TSPEAR: variants seen among roughly 807,000 people sequenced by gnomAD.
The protein encoded by TSPEAR is thrombospondin-type laminin G domain and EAR repeat-containing protein.
TSPEAR carries 69 observed loss-of-function variants against 71.6 expected under a neutral mutation model. The observed-to-expected ratio is 0.96, with a 90% CI of 0.79 to 1.18. The LOEUF is 1.18. Among genes scored for constraint, TSPEAR ranks in the 50% most tolerant of loss-of-function variants. The pLI, the probability that TSPEAR is intolerant of heterozygous loss-of-function variation, is 0.00. For missense variants in TSPEAR, 971 were observed against 894.9 expected (o/e 1.09, Z -1.09); for synonymous variants, 402 against 387.2 (o/e 1.04, Z -0.45).
chr21:44,613,587 G>A (rs1403931045), intron 1 of TSPEAR, among the ~76,000 whole-genome samples: 2 of 152,158 alleles, frequency 1.3e-5, no homozygotes, highest in South Asian at 2.1e-4. Context: ...TGTGCCGCCC[G>A]CCCGAGGGTT....
chr21:44,637,852 C>T (rs1555937391), intron 1 of TSPEAR: 2 of 1,534,736 alleles, frequency 1.3e-6, no homozygotes, highest in Admixed American at 3.8e-5. Context: ...GCCAGCAGGC[C>T]TGCTGTGTGC....
Position 44,702,291 on chromosome 21 carries a change from C to T in TSPEAR, c.82+9142G>A, listed in dbSNP as rs373558040. On this transcript the variant is annotated intron_variant, in intron 1 of 11. Coordinates refer to ENST00000323084, the MANE Select transcript of TSPEAR (RefSeq NM_144991.3). ...AGAGCTGCTGCGAGCCCCCCTGCTG[C>T]GCCGCCAGCTGCTGTGCCCCGGCCC... 3.8e-3 allele frequency: 6,188 copies of T among 1,607,632 alleles called. 130 individuals are homozygous for T. The African/African-American group carries it at 0.053, about 14-fold the overall frequency.
intron 2 of TSPEAR, 57 bp from the exon 3 acceptor site, chr21:44,533,980 G>T: frequency 7.7e-7 from 1 of 1,302,370 alleles, no homozygotes. Context: ...GGGTGCGGGG[G>T]CAGGGCAGAT....
intron 1 of TSPEAR, among the ~76,000 whole-genome samples, chr21:44,615,924 G>A (rs904004234): frequency 3.3e-5 from 5 of 152,186 alleles, no homozygotes; most frequent in African/African-American, 9.7e-5. Flanking sequence ...AGGAAAACAC[G>A]CCCATGAGAC....
chr21:44,599,134 TTCTCTCTC>T (rs58774528), intron 1 of TSPEAR, among the ~76,000 whole-genome samples: 181 of 92,338 alleles, frequency 2.0e-3, no homozygotes, highest in African/African-American at 5.5e-3. Flanking sequence ...GGCCCCCATT[TTCTCTCTC>T]TCTCTCTCTC....
chr21:44,666,136 G>A, intron 1 of TSPEAR: 1 of 363,114 alleles, frequency 2.8e-6, no homozygotes. Context: ...GTAATCAGCA[G>A]AATAGATAGC....
chr21:44,656,630 AT>A (rs1985164007), intron 1 of TSPEAR, among the ~76,000 whole-genome samples: 1 of 151,848 alleles, frequency 6.6e-6, no homozygotes, highest in African/African-American at 2.4e-5. Context: ...TACTCTTACT[AT>A]TTGATGCTTG....
chr21:44,619,216 T>C (rs189808585), intron 1 of TSPEAR, among the ~76,000 whole-genome samples: 94 of 152,378 alleles, frequency 6.2e-4, no homozygotes, highest in African/African-American at 2.2e-3. Flanking sequence ...AAGTTTTTGA[T>C]TCCAGGGGTT....
At position 44,676,146 on chromosome 21, in the gene TSPEAR, G is replaced by A. The variant is rs587631074; in HGVS notation, c.82+35287C>T. Reference sequence around the variant, plus strand: ...GTTGCTGAGGCGGGAATAGAAGCAGGGACTGCAGGTAGGAGAAGAAGTACT... The same window carrying A: ...GTTGCTGAGGCGGGAATAGAAGCAGAGACTGCAGGTAGGAGAAGAAGTACT... On this transcript the variant is annotated intron_variant, in intron 1 of 11. Coordinates refer to ENST00000323084, the MANE Select transcript of TSPEAR (RefSeq NM_144991.3). 3 of 965,330 alleles carry A rather than the reference G, an allele frequency of 3.1e-6. No individual in the cohort carries two copies. In the South Asian group the frequency reaches 3.8e-5, roughly 12 times the overall value. 59.8% of individuals were successfully genotyped at this position (965,330 alleles called of 1,614,324 possible).
At chr21:44,628,554 G>A (rs1601505434) in intron 1 of TSPEAR, among the ~76,000 whole-genome samples, 1 of 151,918 alleles carries the variant, frequency 6.6e-6, no homozygotes, top group Non-Finnish European at 1.5e-5. Flanking sequence ...TCTGCTGTCC[G>A]GCTCCCCTCC....
intron 1 of TSPEAR, chr21:44,676,628 A>G (rs183083384): frequency 3.9e-6 from 3 of 760,788 alleles, no homozygotes; most frequent in Middle Eastern, 2.3e-4. Context: ...TCATACTTCA[A>G]TTCCTGTTCT....
At chr21:44,534,144 G>C (rs1407072015) in intron 2 of TSPEAR, among the ~76,000 whole-genome samples, 1 of 103,390 alleles carries the variant, frequency 9.7e-6, no homozygotes, top group African/African-American at 4.3e-5. Flanking sequence ...TGGAGCGCTA[G>C]GGCTGGTGCC....
At chr21:44,539,927 C>T in intron 2 of TSPEAR, 1 of 1,613,856 alleles carries the variant, frequency 6.2e-7, no homozygotes. Context: ...CGAGGGCGTG[C>T]AGGAGCTGGT....
At position 44,623,691 on chromosome 21, in the gene TSPEAR, T is replaced by G. The variant is rs1194986251; in HGVS notation, c.83-55686A>C. Among the ~76,000 whole-genome samples, 1 of 152,230 alleles carries G rather than the reference T, an allele frequency of 6.6e-6. No individual in the cohort carries two copies. The highest frequency in any genetic ancestry group is 1.5e-5 in the Non-Finnish European group (1 of 68,020). On this transcript the variant is annotated intron_variant, in intron 1 of 11. Transcript: ENST00000323084. The surrounding 1 kb of genome is among the most constrained non-coding windows in gnomAD (Gnocchi z 4.5). ...GAGGATCTTCTTCCCAGGTGTAGAATTCTAGCTTGGTGCTTCTTTTCTTTC... is the reference window on the plus strand; with the variant it reads ...GAGGATCTTCTTCCCAGGTGTAGAAGTCTAGCTTGGTGCTTCTTTTCTTTC...
chr21:44,704,867 C>T (rs1987835854), intron 1 of TSPEAR, among the ~76,000 whole-genome samples: 1 of 152,148 alleles, frequency 6.6e-6, no homozygotes, highest in South Asian at 2.1e-4. Flanking sequence ...GGATGGAGCC[C>T]AGCTGCCTCC....
chr21:44,503,120 T>C (rs376518622), intron 11 of TSPEAR, among the ~76,000 whole-genome samples: 3,106 of 36,532 alleles, frequency 0.085, no homozygotes, highest in Middle Eastern at 0.091. Flanking sequence ...CCTCGGTGAG[T>C]CCTCGGGGGG....
intron 1 of TSPEAR, among the ~76,000 whole-genome samples, chr21:44,613,810 G>A (rs951495772): frequency 2.6e-5 from 4 of 152,196 alleles, no homozygotes; most frequent in South Asian, 2.1e-4. Flanking sequence ...CCCAAGGCCC[G>A]CCGCCCCTGC....
Position 44,509,350 on chromosome 21 carries a change from C to A in TSPEAR, c.1603G>T (p.Gly535Trp). ...GAADWEVFQI[G>W]ERIFLAVANS... ...GCCACAGCGAGGAAGATCCTCTCCC[C>A]GATCTGGAAGACCTCCCAGTCTGCA... The change falls in exon 10 of 12, where the codon GGG becomes TGG. Residue 535 changes from glycine to tryptophan, a missense_variant. Gly to Trp is a radical substitution (Grantham distance 184). Transcript: ENST00000323084. 1.2e-6 allele frequency: 2 copies of A among 1,613,794 alleles called. No homozygotes were observed. Among genetic ancestry groups the A allele is most frequent in the South Asian group, 2.2e-5 (2 of 91,044 alleles).
chr21:44,672,257 C>T (rs782767625), intron 1 of TSPEAR, among the ~76,000 whole-genome samples: 6 of 152,250 alleles, frequency 3.9e-5, no homozygotes, highest in African/African-American at 1.4e-4. Flanking sequence ...AAAGAGAAGC[C>T]CAAAGGCATA....
Sources: allele counts gnomAD v4.1 joint callset (sites outside exome capture counted in the v4.1 genomes callset), GRCh38; gene constraint gnomAD v4.1.1; non-coding constraint Gnocchi (gnomAD v3.1); transcripts MANE v1.5; gene names NCBI Gene and HGNC (gene_info 2026-07-23, HGNC 2026-07-21).